The following POLR2E variants were observed in gnomAD, a reference collection of about 807,000 sequenced individuals.
The protein encoded by POLR2E is DNA-directed RNA polymerases I, II, and III subunit RPABC1.
A neutral mutation model predicts 29.8 loss-of-function variants in POLR2E; 35 were observed. That is an observed-to-expected ratio of 1.17 (90% CI 0.90 to 1.55). The LOEUF is 1.55. Among genes scored for constraint, POLR2E ranks in the 40% most tolerant of loss-of-function variants. POLR2E has a pLI of 0.00. For synonymous variants in POLR2E, 174 were observed against 112.6 expected (o/e 1.55, Z -3.45); for missense variants, 287 against 288.6 (o/e 0.99, Z 0.04).
At position 1,088,636 on chromosome 19, in the gene POLR2E, G is replaced by A. The variant is rs114383960; in HGVS notation, c.*99C>T. 1,063 of 152,770 alleles carry A rather than the reference G, an allele frequency of 7.0e-3. 12 individuals are homozygous for A. The highest frequency in any genetic ancestry group is 0.024 in the African/African-American group (996 of 41,564). The allele number at this position is 152,770 out of a possible 1,614,324, so 9.5% of individuals were successfully genotyped here. On this transcript the variant is annotated 3_prime_UTR_variant, in exon 8 of 8. Transcript: ENST00000615234. ...TGGGGAGTCCAGAGGAGCAGCAGCC[G>A]TGAGAGCTGTGGGGGCCGGATTCTG...
Position 1,089,765 on chromosome 19 carries a change from C to T in POLR2E, c.567+119G>A. On this transcript the variant is annotated intron_variant, in intron 6 of 7. Coordinates refer to ENST00000615234, the MANE Select transcript of POLR2E (RefSeq NM_002695.5). ...GAGGGGGATATTGGGGGTGTGGTCT[C>T]GAGGTCCCCTCCAGGCCCTGGATCA... 9.2e-6 allele frequency: 8 copies of T among 871,826 alleles called. No individual in the cohort carries two copies. The Middle Eastern group carries it at 1.1e-3, about 115-fold the overall frequency. 54.0% of individuals were successfully genotyped at this position (871,826 alleles called of 1,614,324 possible).
chr19:1,091,344 G>C (rs2043824784), intron 3 of POLR2E, among the ~76,000 whole-genome samples: 1 of 152,350 alleles, frequency 6.6e-6, no homozygotes, highest in Middle Eastern at 3.4e-3. Context: ...GGACTAAACT[G>C]CTCTGCTGAC....
chr19:1,092,339 G>A (rs1266391434), intron 2 of POLR2E: 1 of 168,720 alleles, frequency 5.9e-6, no homozygotes, highest in Non-Finnish European at 1.3e-5. Context: ...TTGGGAGGCT[G>A]AGGCAGGTGG....
chr19:1,094,384 A>C, intron 1 of POLR2E: 8 of 354,938 alleles, frequency 2.3e-5, no homozygotes, highest in East Asian at 5.3e-5. Flanking sequence ...AGCTACCCTA[A>C]AGGCAGGGAC....
intron 1 of POLR2E, 30 bp from the exon 2 acceptor site, chr19:1,094,108 G>A: frequency 1.3e-6 from 2 of 1,584,184 alleles, no homozygotes; most frequent in Non-Finnish European, 1.7e-6. Flanking sequence ...GCTGACCCCA[G>A]GGCAGAGAGA....
At chr19:1,094,988 T>A in intron 1 of POLR2E, 29 of 347,008 alleles carry the variant, frequency 8.4e-5, no homozygotes, top group East Asian at 3.1e-4. Flanking sequence ...TTCCTCCTCC[T>A]CTCGCCGCCA....
rs1480683312 is a variant in POLR2E at position 1,090,913 on chromosome 19, G to C, written c.424C>G (p.His142Asp). ...QQELLINITE[H>D]ELVPEHVVMT... ...ATTCCGCGGCGCGCGCCCACCTCGT[G>C]CTCCGTGATGTTGATGAGCAGCTCC... Residue 142 changes from histidine (H) to aspartate (D), a missense_variant, in exon 4 of 8, where the codon CAC becomes GAC. By Grantham distance (81) the His-to-Asp change is moderately conservative (BLOSUM62 -1). Coordinates refer to ENST00000615234, the MANE Select transcript of POLR2E (RefSeq NM_002695.5). 1 of 1,612,850 alleles carries C rather than the reference G, an allele frequency of 6.2e-7. No individual in the cohort carries two copies. The highest frequency in any genetic ancestry group is 8.5e-7 in the Non-Finnish European group (1 of 1,179,818).
chr19:1,092,811 G>A (rs1238614620), intron 2 of POLR2E, among the ~76,000 whole-genome samples: 1 of 151,060 alleles, frequency 6.6e-6, no homozygotes, highest in Non-Finnish European at 1.5e-5. Context: ...AACCTGGGAG[G>A]TGGAGGTTGC....
chr19:1,094,464 G>C (rs2043901003), intron 1 of POLR2E: 1 of 210,346 alleles, frequency 4.8e-6, no homozygotes, highest in Non-Finnish European at 9.4e-6. Context: ...AGGGTTGCTG[G>C]AGGCCAGTTC....
chr19:1,089,798 G>T (rs2043789381), intron 6 of POLR2E, 86 bp downstream of exon 6: 1 of 1,094,624 alleles, frequency 9.1e-7, no homozygotes, highest in Non-Finnish European at 1.4e-6. Context: ...TCAAGGGGGA[G>T]GGGCTGTCGG....
intron 6 of POLR2E, 132 bp downstream of exon 6, chr19:1,089,752 G>C: frequency 1.2e-6 from 1 of 812,560 alleles, no homozygotes; most frequent in Non-Finnish European, 2.0e-6. Context: ...GGGGGATATT[G>C]GGGGTGTGGT....
At chr19:1,093,159 CT>C in intron 2 of POLR2E, among the ~76,000 whole-genome samples, 1 of 152,106 alleles carries the variant, frequency 6.6e-6, no homozygotes, top group Middle Eastern at 3.4e-3. Flanking sequence ...GCACTCCAGC[CT>C]GGGCGACAGA....
chr19:1,094,028 G>C lies in POLR2E; in HGVS notation c.108C>G (p.Thr36=). 1 of 1,613,780 alleles carries C rather than the reference G, an allele frequency of 6.2e-7. No individual in the cohort carries two copies. Among genetic ancestry groups the C allele is most frequent in the Non-Finnish European group, 8.5e-7 (1 of 1,179,908 alleles). ...CAGATTGGGCTTTGAACTCCTCCAG[G>C]GTCTGGTCAAGCTCGTCCTGGGTCA... The part of the protein sequence containing the change: ...YLVTQDELDQ[T]LEEFKAQSGD... The change falls in exon 2 of 8, where the codon ACC becomes ACG. Residue 36 remains threonine (T), a synonymous_variant. Transcript: ENST00000615234.
intron 5 of POLR2E, 53 bp from the exon 6 acceptor site, chr19:1,090,015 T>C (rs1599791473): frequency 2.2e-6 from 2 of 903,204 alleles, no homozygotes; most frequent in Non-Finnish European, 3.2e-6. Context: ...GGGGCAGGGG[T>C]GTGTGTGGGG....
In POLR2E at chr19:1,090,091, G is replaced by T. The variant is rs759797327; in HGVS notation, c.484C>A (p.Arg162=). The T allele has an allele frequency of 1.2e-6, 2 of 1,612,302 alleles. No homozygotes were observed. The highest frequency in any genetic ancestry group is 4.5e-5 in the East Asian group (2 of 44,870). Residue 162 remains arginine, a synonymous_variant, in exon 5 of 8, where the codon CGA becomes AGA. Transcript: ENST00000615234. ...TKEEVTELLA[R]YKLRENQLPR... ...CGGTGGGGCTGGAAAGGATACTATCGGGCCAGCAGCTCTGTCACCTCCTCC... is the reference window on the plus strand; with the variant it reads ...CGGTGGGGCTGGAAAGGATACTATCTGGCCAGCAGCTCTGTCACCTCCTCC...
At chr19:1,094,213 C>T in intron 1 of POLR2E, 135 bp from the exon 2 acceptor site, 2 of 750,690 alleles carry the variant, frequency 2.7e-6, no homozygotes, top group Non-Finnish European at 4.2e-6. Flanking sequence ...TCACTGTGTG[C>T]TCCATGACAG....
chr19:1,090,773 C>T lies in POLR2E; in HGVS notation c.429+135G>A, dbSNP rs2043812365. 1.4e-5 allele frequency: 10 copies of T among 740,106 alleles called. No individual in the cohort carries two copies. The South Asian group carries it at 1.8e-4, about 14-fold the overall frequency. The allele number at this position is 740,106 out of a possible 1,614,324, so 45.8% of individuals were successfully genotyped here. The stretch of plus-strand genomic sequence containing the variant: ...TCGGCTGCTGCAGGCCCAGGGCCAC[C>T]CTTTGAGAACCCTGTCCTCCATGCA... On this transcript the variant is annotated intron_variant, in intron 4 of 7. Transcript: ENST00000615234.
chr19:1,092,054 C>T (rs528923793), intron 2 of POLR2E, 147 bp from the exon 3 acceptor site: 64 of 625,208 alleles, frequency 1.0e-4, no homozygotes, highest in African/African-American at 1.0e-3. Context: ...CAAAACGAGG[C>T]CTGAGTTGCA....
intron 1 of POLR2E, 189 bp downstream of exon 1, chr19:1,095,070 C>T: frequency 1.7e-6 from 1 of 597,358 alleles, no homozygotes; most frequent in Non-Finnish European, 2.9e-6. Context: ...AACCCCCTCC[C>T]TTCCCCGCTG....
Sources: allele counts gnomAD v4.1 joint callset (sites outside exome capture counted in the v4.1 genomes callset), GRCh38; gene constraint gnomAD v4.1.1; transcripts MANE v1.5; gene names NCBI Gene and HGNC (gene_info 2026-07-23, HGNC 2026-07-21).